Variants in PREX1 observed in about 807,000 individuals in gnomAD.
The protein encoded by PREX1 is phosphatidylinositol-3,4,5-trisphosphate dependent Rac exchange factor 1.
A neutral mutation model predicts 198.3 loss-of-function variants in PREX1; 41 were observed. The ratio of observed to expected loss-of-function variants is 0.21; its 90% CI spans 0.16 to 0.27. The LOEUF is 0.27. Among genes scored for constraint, PREX1 ranks in the 10% least tolerant of loss-of-function variants. PREX1 has a pLI of 1.00. For synonymous variants in PREX1, 843 were observed against 887.2 expected (o/e 0.95, Z 0.89); for missense variants, 1,620 against 2,200.7 (o/e 0.74, Z 5.28).
intron 19 of PREX1, 90 bp downstream of exon 19, chr20:48,655,200 C>T (rs935817812): frequency 7.9e-7 from 1 of 1,262,880 alleles, no homozygotes; most frequent in Admixed American, 2.8e-5. Context: ...CTGGCAGAAG[C>T]CTAGAGTTCA....
At chr20:48,882,122 T>G in the PREX1 span, among the ~76,000 whole-genome samples, 3 of 152,190 alleles carry the variant, frequency 2.0e-5, no homozygotes, top group African/African-American at 7.2e-5. Context: ...ATTCCATTAT[T>G]TTGATATACA....
intron 1 of PREX1, among the ~76,000 whole-genome samples, chr20:48,779,054 A>G (rs551268286): frequency 1.2e-4 from 18 of 152,358 alleles, no homozygotes; most frequent in Non-Finnish European, 2.4e-4. Flanking sequence ...ATACACTGTC[A>G]AGAGAACAAA....
the PREX1 span, among the ~76,000 whole-genome samples, chr20:48,870,099 C>T: frequency 1.3e-5 from 2 of 152,160 alleles, no homozygotes. Flanking sequence ...TAACTAAATT[C>T]TCCAAATTAG....
chr20:48,654,509 C>A (rs2089527354), intron 19 of PREX1, among the ~76,000 whole-genome samples: 1 of 152,204 alleles, frequency 6.6e-6, no homozygotes, highest in Admixed American at 6.5e-5. Context: ...AGAAACACCC[C>A]CTCCCCAGTT....
chr20:48,764,049 T>C (rs527890871), intron 1 of PREX1, among the ~76,000 whole-genome samples: 24 of 152,296 alleles, frequency 1.6e-4, no homozygotes, highest in East Asian at 1.5e-3. Context: ...AGGCTCTGAC[T>C]TTCTGCCACA....
chr20:48,692,439 TA>T (rs935945028), intron 8 of PREX1: 5 of 428,046 alleles, frequency 1.2e-5, no homozygotes, highest in South Asian at 8.4e-5. Context: ...TGGTTACTTC[TA>T]GGGGGAAGAA....
intron 10 of PREX1, among the ~76,000 whole-genome samples, chr20:48,686,851 G>A (rs977508297): frequency 1.3e-5 from 2 of 152,170 alleles, no homozygotes; most frequent in South Asian, 2.1e-4. Flanking sequence ...CAGGCCATGA[G>A]TGCCAGCTGT....
In PREX1 at chr20:48,625,854, G is replaced by T; in HGVS notation, c.*31C>A. 6 of 1,546,518 alleles carry T rather than the reference G, an allele frequency of 3.9e-6. No individual in the cohort carries two copies. The highest frequency in any genetic ancestry group is 5.2e-6 in the Non-Finnish European group (6 of 1,144,956). ...TGTCCTCCCAAATCCCAGCTCCAGAGGCCGCGGCCCAGCGTGGGGCATTTG... is the reference window on the plus strand; with the variant it reads ...TGTCCTCCCAAATCCCAGCTCCAGATGCCGCGGCCCAGCGTGGGGCATTTG... On this transcript the variant is annotated 3_prime_UTR_variant, in exon 40 of 40. Coordinates refer to ENST00000371941, the MANE Select transcript of PREX1 (RefSeq NM_020820.4).
chr20:48,790,745 G>A (rs1018942941), intron 1 of PREX1, among the ~76,000 whole-genome samples: 2 of 152,132 alleles, frequency 1.3e-5, no homozygotes, highest in Non-Finnish European at 2.9e-5. Flanking sequence ...ACTGAATGCC[G>A]AGACAGTGAA....
At chr20:48,659,255 A>AGGAC (rs2089570647) in intron 16 of PREX1, among the ~76,000 whole-genome samples, 1 of 143,952 alleles carries the variant, frequency 6.9e-6, no homozygotes, top group African/African-American at 2.6e-5. Flanking sequence ...GAAGGAAGGA[A>AGGAC]GGAAGGACGG....
At position 48,780,513 on chromosome 20, in the gene PREX1, G is replaced by A. The variant is rs77150524; in HGVS notation, c.220-32633C>T. On this transcript the variant is annotated intron_variant, in intron 1 of 39. Coordinates refer to ENST00000371941, the MANE Select transcript of PREX1 (RefSeq NM_020820.4). ...AAAAAGAGAAAGAAGAAAAAAAATAGAGGAGGCATGTCAAAAGGGCACGGG... is the reference window on the plus strand; with the variant it reads ...AAAAAGAGAAAGAAGAAAAAAAATAAAGGAGGCATGTCAAAAGGGCACGGG... 3.9e-4 allele frequency among the ~76,000 whole-genome samples: 60 copies of A among 152,242 alleles called. No individual in the cohort carries two copies. In the East Asian group the frequency reaches 0.01, roughly 25 times the overall value.
intron 1 of PREX1, among the ~76,000 whole-genome samples, chr20:48,750,376 G>A (rs940659918): frequency 6.6e-6 from 1 of 152,132 alleles, no homozygotes; most frequent in Admixed American, 6.5e-5. Flanking sequence ...GTCAATCCAT[G>A]CCTTTAAAAT....
In PREX1 at chr20:48,675,608, G is replaced by C. The variant is rs1938085958; in HGVS notation, c.1665+585C>G. On this transcript the variant is annotated intron_variant, in intron 14 of 39. Coordinates refer to ENST00000371941, the MANE Select transcript of PREX1 (RefSeq NM_020820.4). ...CAGAAAGTAGAATGGTGCTCATCGG[G>C]ACTGGAGGAGGGGGAGTGGAGAGTT... 2.0e-5 allele frequency among the ~76,000 whole-genome samples: 3 copies of C among 152,336 alleles called. No individual in the cohort carries two copies. The South Asian group carries it at 6.2e-4, about 32-fold the overall frequency.
the PREX1 span, among the ~76,000 whole-genome samples, chr20:48,885,169 G>A: frequency 2.0e-5 from 3 of 152,164 alleles, no homozygotes; most frequent in Non-Finnish European, 2.9e-5. Flanking sequence ...TCTAATACTA[G>A]CCACTATCAT....
chr20:48,875,118 A>G, the PREX1 span, among the ~76,000 whole-genome samples: 1 of 152,162 alleles, frequency 6.6e-6, no homozygotes. Flanking sequence ...GGGAACAGTG[A>G]CAAATACTAC....
chr20:48,668,578 T>A (rs1324117120), intron 14 of PREX1, among the ~76,000 whole-genome samples: 1 of 152,032 alleles, frequency 6.6e-6, no homozygotes, highest in African/African-American at 2.4e-5. Context: ...CAGAGGGGAT[T>A]TTCCAACCAG....
intron 11 of PREX1, 138 bp from the exon 12 acceptor site, chr20:48,679,892 G>A: frequency 1.5e-6 from 1 of 670,916 alleles, no homozygotes; most frequent in Non-Finnish European, 2.6e-6. Flanking sequence ...AGGCTTCACT[G>A]CTGGCCAGGC....
chr20:48,684,327 G>C lies in PREX1; in HGVS notation c.1335-2992C>G, dbSNP rs1244388952. Among the ~76,000 whole-genome samples, 1 of 152,180 alleles carries C rather than the reference G, an allele frequency of 6.6e-6. No individual in the cohort carries two copies. ...TTCCTCCATGGGCCGTGGGCTCCAA[G>C]AGGGTAGGGACTGGGGGGTACCCAG... On this transcript the variant is annotated intron_variant, in intron 10 of 39. Coordinates refer to ENST00000371941, the MANE Select transcript of PREX1 (RefSeq NM_020820.4). The surrounding 1 kb of genome is among the most constrained non-coding windows in gnomAD (Gnocchi z 4.2).
At chr20:48,719,312 C>T (rs543559028) in intron 5 of PREX1, among the ~76,000 whole-genome samples, 7 of 152,186 alleles carry the variant, frequency 4.6e-5, no homozygotes, top group East Asian at 1.9e-4. Context: ...GACCCCCCCC[C>T]CAACTCCCCA....
Sources: allele counts gnomAD v4.1 joint callset (sites outside exome capture counted in the v4.1 genomes callset), GRCh38; gene constraint gnomAD v4.1.1; non-coding constraint Gnocchi (gnomAD v3.1); transcripts MANE v1.5; gene names NCBI Gene and HGNC (gene_info 2026-07-23, HGNC 2026-07-21).